DEXI: variants seen among roughly 807,000 people sequenced by gnomAD.
DEXI encodes the protein Dexi homolog.
Under a neutral mutation model 2.5 loss-of-function variants are expected in DEXI, and 2 were observed. That is an observed-to-expected ratio of 0.81 (90% CI 0.33 to 2.55). DEXI has a LOEUF of 2.55. DEXI is among the 30% of genes most tolerant of loss of function. The pLI is 0.11. For missense variants in DEXI, 108 were observed against 130.3 expected (o/e 0.83, Z 0.83); for synonymous variants, 71 against 68.7 (o/e 1.03, Z -0.17).
At position 10,940,916 on chromosome 16, in the gene DEXI, G is replaced by C. The variant is rs947242911; in HGVS notation, c.*149+653C>G. On this transcript the variant is annotated intron_variant, in intron 1 of 1. Transcript: ENST00000331808. The surrounding 1 kb of genome is among the most constrained non-coding windows in gnomAD (Gnocchi z 4.2). ...CACCAGCTCCCTGCCTGCCTGTTCT[G>C]TGAAGGGAGCCTACAAAACTGGCAG... 1 of 152,274 alleles carries C rather than the reference G, an allele frequency of 6.6e-6. No individual in the cohort carries two copies. Among genetic ancestry groups the C allele is most frequent in the African/African-American group, 2.4e-5 (1 of 41,456 alleles). 9.4% of individuals were successfully genotyped at this position (152,274 alleles called of 1,614,324 possible).
In DEXI at chr16:10,941,743, T is replaced by G; in HGVS notation, c.263A>C (p.Asp88Ala). ...SGLYDADSEL[D>A]VFDAYLE The stretch of plus-strand genomic sequence containing the variant: ...CTACTCCAAGTACGCATCAAAGACG[T>G]CGAGCTCCGAGTCAGCATCGTAAAG... The change falls in exon 1 of 2, where the codon GAC becomes GCC. Residue 88 changes from aspartate to alanine, a missense_variant. By Grantham distance (126) the Asp-to-Ala change is moderately radical. Coordinates refer to ENST00000331808, the MANE Select transcript of DEXI (RefSeq NM_014015.4). This position sits in a 1 kb window ranked among gnomAD's most constrained non-coding sequence, Gnocchi z 6.4. The G allele has an allele frequency of 6.2e-7, 1 of 1,610,880 alleles. No individual in the cohort carries two copies. The highest frequency in any genetic ancestry group is 8.5e-7 in the Non-Finnish European group (1 of 1,178,610).
At position 10,942,203 on chromosome 16, in the gene DEXI, T is replaced by C; in HGVS notation, c.-198A>G. 2.3e-6 allele frequency: 1 copy of C among 433,386 alleles called. No individual in the cohort carries two copies. The highest frequency in any genetic ancestry group is 4.3e-5 in the East Asian group (1 of 23,118). The allele number at this position is 433,386 out of a possible 1,614,324, so 26.8% of individuals were successfully genotyped here. A position where few individuals can be genotyped will look rare whatever the true frequency, so the allele number is the denominator to read the frequency against. ...CCGGGCGGGTCACCGCACCCCGAGA[T>C]GTGCCCCCAAGGATCTCTCGACCGC... On this transcript the variant is annotated 5_prime_UTR_variant, in exon 1 of 2. Coordinates refer to ENST00000331808, the MANE Select transcript of DEXI (RefSeq NM_014015.4). This position sits in a 1 kb window ranked among gnomAD's most constrained non-coding sequence, Gnocchi z 5.0.
In DEXI at chr16:10,941,336, CTT is replaced by C. The variant is rs1264101066; in HGVS notation, c.*149+231_*149+232del. ...AGTCACAGAGCTACCCCAAATGTAACTTAGTCTCGGGGTCTCCTTCCTTTTCA... is the reference window on the plus strand; with the variant it reads ...AGTCACAGAGCTACCCCAAATGTAACAGTCTCGGGGTCTCCTTCCTTTTCA... On this transcript the variant is annotated intron_variant, in intron 1 of 1. Coordinates refer to ENST00000331808, the MANE Select transcript of DEXI (RefSeq NM_014015.4). The surrounding 1 kb of genome is among the most constrained non-coding windows in gnomAD (Gnocchi z 6.4). 1 of 195,796 alleles carries C rather than the reference CTT, an allele frequency of 5.1e-6. No homozygotes were observed. Among genetic ancestry groups the C allele is most frequent in the African/African-American group, 2.3e-5 (1 of 42,664 alleles). The allele number at this position is 195,796 out of a possible 1,614,324, so 12.1% of individuals were successfully genotyped here. A position where few individuals can be genotyped will look rare whatever the true frequency, so the allele number is the denominator to read the frequency against.
Position 10,941,618 on chromosome 16 carries a change from A to T in DEXI, c.*100T>A. The stretch of plus-strand genomic sequence containing the variant: ...TCCTCCTGGGGAACCATCCCCGTCC[A>T]GATGGTGCCCCCAACCAGCTGCGGC... On this transcript the variant is annotated 3_prime_UTR_variant, in exon 1 of 2. Coordinates refer to ENST00000331808, the MANE Select transcript of DEXI (RefSeq NM_014015.4). The surrounding 1 kb of genome is among the most constrained non-coding windows in gnomAD (Gnocchi z 6.4). The T allele has an allele frequency of 2.0e-6, 3 of 1,511,920 alleles. No homozygotes were observed. Among genetic ancestry groups the T allele is most frequent in the Non-Finnish European group, 2.7e-6 (3 of 1,131,460 alleles). The allele number at this position is 1,511,920 out of a possible 1,614,324, so 93.7% of individuals were successfully genotyped here.
At position 10,939,636 on chromosome 16, in the gene DEXI, C is replaced by T. The variant is rs2041074383; in HGVS notation, c.*149+1933G>A. 1 of 152,284 alleles carries T rather than the reference C, an allele frequency of 6.6e-6. No individual in the cohort carries two copies. Among genetic ancestry groups the T allele is most frequent in the South Asian group, 2.1e-4 (1 of 4,836 alleles). 9.4% of individuals were successfully genotyped at this position (152,284 alleles called of 1,614,324 possible). On this transcript the variant is annotated intron_variant, in intron 1 of 1. Transcript: ENST00000331808. The surrounding 1 kb of genome is among the most constrained non-coding windows in gnomAD (Gnocchi z 4.9). ...CATCATCTCCTTAGAGAGGCTTTCT[C>T]TGACCCCTCAGCTAAAGCAGCCCAC...
In DEXI at chr16:10,941,383, G is replaced by C. The variant is rs1388274314; in HGVS notation, c.*149+186C>G. 2.9e-6 allele frequency: 1 copy of C among 340,166 alleles called. No individual in the cohort carries two copies. Among genetic ancestry groups the C allele is most frequent in the African/African-American group, 2.2e-5 (1 of 46,186 alleles). 21.1% of individuals were successfully genotyped at this position (340,166 alleles called of 1,614,324 possible). ...TTTTCACCAGCTGTCCCCTTTGCTG[G>C]AGGAAGCTTTCCAGCCCAAACGAAG... is the stretch of plus-strand genomic sequence containing the variant. On this transcript the variant is annotated intron_variant, in intron 1 of 1. Transcript: ENST00000331808. The surrounding 1 kb of genome is among the most constrained non-coding windows in gnomAD (Gnocchi z 6.4).
At position 10,941,508 on chromosome 16, in the gene DEXI, T is replaced by TC; in HGVS notation, c.*149+60dup. 7.3e-7 allele frequency: 1 copy of TC among 1,372,650 alleles called. No homozygotes were observed. Among genetic ancestry groups the TC allele is most frequent in the Non-Finnish European group, 9.4e-7 (1 of 1,058,626 alleles). The allele number at this position is 1,372,650 out of a possible 1,614,324, so 85.0% of individuals were successfully genotyped here. A position where few individuals can be genotyped will look rare whatever the true frequency, so the allele number is the denominator to read the frequency against. ...AGGGGTGTGTATCCGGCCTGGGAAT[T>TC]CCTCCCTCTCCCTTGCTAGCGCCCC... On this transcript the variant is annotated intron_variant, in intron 1 of 1. Coordinates refer to ENST00000331808, the MANE Select transcript of DEXI (RefSeq NM_014015.4). The surrounding 1 kb of genome is among the most constrained non-coding windows in gnomAD (Gnocchi z 6.4).
chr16:10,937,163 C>G lies in DEXI; in HGVS notation c.*149+4406G>C, dbSNP rs925994420. On this transcript the variant is annotated intron_variant, in intron 1 of 1. Transcript: ENST00000331808. The surrounding 1 kb of genome is among the most constrained non-coding windows in gnomAD (Gnocchi z 4.2). ...ACCAATGTACCCTATGGCCAAGGAC[C>G]TTCTGGGTGAGCCTCATGTCAGGAG... The G allele has an allele frequency of 2.6e-5, 4 of 152,318 alleles. No homozygotes were observed. Among genetic ancestry groups the G allele is most frequent in the African/African-American group, 9.6e-5 (4 of 41,456 alleles). 9.4% of individuals were successfully genotyped at this position (152,318 alleles called of 1,614,324 possible). A position where few individuals can be genotyped will look rare whatever the true frequency, so the allele number is the denominator to read the frequency against.
At position 10,939,765 on chromosome 16, in the gene DEXI, T is replaced by C. The variant is rs547450948; in HGVS notation, c.*149+1804A>G. ...GTTTTAAGTGTTGAGGACATGGCAG[T>C]GAACACAACAGGGAAGCTCATGTCC... On this transcript the variant is annotated intron_variant, in intron 1 of 1. Coordinates refer to ENST00000331808, the MANE Select transcript of DEXI (RefSeq NM_014015.4). The surrounding 1 kb of genome is among the most constrained non-coding windows in gnomAD (Gnocchi z 4.9). The C allele has an allele frequency of 5.9e-5, 9 of 152,386 alleles. No individual in the cohort carries two copies. The East Asian group carries it at 1.7e-3, about 29-fold the overall frequency. 9.4% of individuals were successfully genotyped at this position (152,386 alleles called of 1,614,324 possible). A position where few individuals can be genotyped will look rare whatever the true frequency, so the allele number is the denominator to read the frequency against.
Position 10,942,334 on chromosome 16 carries a change from C to A in DEXI, c.-329G>T. Reference sequence around the variant, plus strand: ...CTCGCAGAGCCGGTGGGGATCCCACCGCGGCTCAGTGTCTAGGGCCGGTCC... The same window carrying A: ...CTCGCAGAGCCGGTGGGGATCCCACAGCGGCTCAGTGTCTAGGGCCGGTCC... On this transcript the variant is annotated 5_prime_UTR_variant, in exon 1 of 2. Coordinates refer to ENST00000331808, the MANE Select transcript of DEXI (RefSeq NM_014015.4). This position sits in a 1 kb window ranked among gnomAD's most constrained non-coding sequence, Gnocchi z 5.0. 1 of 252,242 alleles carries A rather than the reference C, an allele frequency of 4.0e-6. No individual in the cohort carries two copies. Among genetic ancestry groups the A allele is most frequent in the Non-Finnish European group, 7.7e-6 (1 of 130,136 alleles). The allele number at this position is 252,242 out of a possible 1,614,324, so 15.6% of individuals were successfully genotyped here.
Position 10,934,600 on chromosome 16 carries a change from G to A in DEXI, c.*150-5041C>T, listed in dbSNP as rs1236605351. 2 of 152,274 alleles carry A rather than the reference G, an allele frequency of 1.3e-5. No individual in the cohort carries two copies. The highest frequency in any genetic ancestry group is 2.4e-5 in the African/African-American group (1 of 41,474). The allele number at this position is 152,274 out of a possible 1,614,324, so 9.4% of individuals were successfully genotyped here. On this transcript the variant is annotated intron_variant, in intron 1 of 1. Coordinates refer to ENST00000331808, the MANE Select transcript of DEXI (RefSeq NM_014015.4). This position sits in a 1 kb window ranked among gnomAD's most constrained non-coding sequence, Gnocchi z 4.2. ...TGCCACCTCATAGATGGGTATCTGA[G>A]ATGAGTCATCGAACTTCTGCAAGCC...
At position 10,941,331 on chromosome 16, in the gene DEXI, T is replaced by C; in HGVS notation, c.*149+238A>G. On this transcript the variant is annotated intron_variant, in intron 1 of 1. Coordinates refer to ENST00000331808, the MANE Select transcript of DEXI (RefSeq NM_014015.4). This position sits in a 1 kb window ranked among gnomAD's most constrained non-coding sequence, Gnocchi z 6.4. Reference sequence around the variant, plus strand: ...GGGTAAGTCACAGAGCTACCCCAAATGTAACTTAGTCTCGGGGTCTCCTTC... The same window carrying C: ...GGGTAAGTCACAGAGCTACCCCAAACGTAACTTAGTCTCGGGGTCTCCTTC... The C allele has an allele frequency of 5.2e-6, 1 of 190,862 alleles. No homozygotes were observed. Among genetic ancestry groups the C allele is most frequent in the Non-Finnish European group, 1.0e-5 (1 of 95,802 alleles). 11.8% of individuals were successfully genotyped at this position (190,862 alleles called of 1,614,324 possible). A position where few individuals can be genotyped will look rare whatever the true frequency, so the allele number is the denominator to read the frequency against.
chr16:10,941,720 A>G lies in DEXI; in HGVS notation c.286T>C (p.Ter96GlnextTer167), dbSNP rs1482778902. 1 of 1,605,432 alleles carries G rather than the reference A, an allele frequency of 6.2e-7. No homozygotes were observed. The highest frequency in any genetic ancestry group is 8.5e-7 in the Non-Finnish European group (1 of 1,175,980). Residue 96 changes from the stop codon to glutamine, a stop_lost, in exon 1 of 2, where the codon TAG becomes CAG. Coordinates refer to ENST00000331808, the MANE Select transcript of DEXI (RefSeq NM_014015.4). This position sits in a 1 kb window ranked among gnomAD's most constrained non-coding sequence, Gnocchi z 6.4. The part of the protein sequence containing the change: ...ELDVFDAYLE[*>Q] The stretch of plus-strand genomic sequence containing the variant: ...AGAGGGGAACAGCAGTCGAGACCCT[A>G]CTCCAAGTACGCATCAAAGACGTCG...
chr16:10,942,145 C>A lies in DEXI; in HGVS notation c.-140G>T. Reference sequence around the variant, plus strand: ...GAAGCAGGGCCGGGCTCCAGATGTCCCCTGGCAATTGCGCCCCGACCCCCG... The same window carrying A: ...GAAGCAGGGCCGGGCTCCAGATGTCACCTGGCAATTGCGCCCCGACCCCCG... On this transcript the variant is annotated 5_prime_UTR_variant, in exon 1 of 2. Coordinates refer to ENST00000331808, the MANE Select transcript of DEXI (RefSeq NM_014015.4). This position sits in a 1 kb window ranked among gnomAD's most constrained non-coding sequence, Gnocchi z 5.0. 3 of 625,752 alleles carry A rather than the reference C, an allele frequency of 4.8e-6. No individual in the cohort carries two copies. The highest frequency in any genetic ancestry group is 4.8e-6 in the Non-Finnish European group (2 of 416,758). The allele number at this position is 625,752 out of a possible 1,614,324, so 38.8% of individuals were successfully genotyped here.
chr16:10,932,408 A>C (rs369934601), intron 1 of DEXI: 1 of 152,312 alleles, frequency 6.6e-6, no homozygotes, highest in East Asian at 1.9e-4. Flanking sequence ...TGCATTTCAC[A>C]TGGAGCTCAG....
At chr16:10,935,640 AC>A (rs1232594242) in intron 1 of DEXI, 1 of 152,260 alleles carries the variant, frequency 6.6e-6, no homozygotes, top group Non-Finnish European at 1.5e-5. Context: ...GGCAGACACC[AC>A]CTTCACCAAC....
intron 1 of DEXI, chr16:10,931,149 A>ACT (rs34777179): frequency 0.96 from 146,249 of 152,246 alleles, 70,549 homozygotes; most frequent in Middle Eastern, 1. Flanking sequence ...ACACAGTGAG[A>ACT]CTGTCTCTAT....
rs969316006 is a variant in DEXI at position 10,939,087 on chromosome 16, G to C, written c.*149+2482C>G. On this transcript the variant is annotated intron_variant, in intron 1 of 1. Transcript: ENST00000331808. The surrounding 1 kb of genome is among the most constrained non-coding windows in gnomAD (Gnocchi z 4.9). Reference sequence around the variant, plus strand: ...GGCAGGGTCAAAGTCTGTTGAATGAGTGAGTGCATATGCAAAGGGCCTAGA... The same window carrying C: ...GGCAGGGTCAAAGTCTGTTGAATGACTGAGTGCATATGCAAAGGGCCTAGA... 1 of 152,196 alleles carries C rather than the reference G, an allele frequency of 6.6e-6. No homozygotes were observed. The highest frequency in any genetic ancestry group is 1.5e-5 in the Non-Finnish European group (1 of 68,010). The allele number at this position is 152,196 out of a possible 1,614,324, so 9.4% of individuals were successfully genotyped here. A position where few individuals can be genotyped will look rare whatever the true frequency, so the allele number is the denominator to read the frequency against.
At chr16:10,931,915 T>G (rs1381971622) in intron 1 of DEXI, 1 of 152,192 alleles carries the variant, frequency 6.6e-6, no homozygotes, top group Non-Finnish European at 1.5e-5. Flanking sequence ...GTTTCTCTTT[T>G]CAAAACATTT....
Sources: allele counts gnomAD v4.1 joint callset, GRCh38; gene constraint gnomAD v4.1.1; non-coding constraint Gnocchi (gnomAD v3.1); transcripts MANE v1.5; gene names NCBI Gene and HGNC (gene_info 2026-07-23, HGNC 2026-07-21).